SLC35D4: variants seen among roughly 807,000 people sequenced by gnomAD.
SLC35D4 encodes the protein UDP-N-acetylglucosamine transporter SLC35D4.
chr18:23,347,932 G>T, the SLC35D4 span, among the ~76,000 whole-genome samples: 11 of 152,070 alleles, frequency 7.2e-5, no homozygotes, highest in African/African-American at 2.7e-4. Context: ...GGAAGCATAA[G>T]TTATTGATTT....
At chr18:23,414,331 A>AAGGAAGGAAGGAAGGAAGGAAGGC in the SLC35D4 span, among the ~76,000 whole-genome samples, 550 of 140,458 alleles carry the variant, frequency 3.9e-3, 5 homozygotes, top group Non-Finnish European at 6.6e-3. Flanking sequence ...GGAAGGAAGG[A>AAGGAAGGAAGGAAGGAAGGAAGGC]AGGCAGGCAG....
the SLC35D4 span, among the ~76,000 whole-genome samples, chr18:23,285,961 C>T: frequency 2.3e-4 from 35 of 152,252 alleles, no homozygotes; most frequent in South Asian, 4.2e-3. Context: ...AATCCAGCCC[C>T]GTTCATGGCT....
chr18:23,274,306 G>A, the SLC35D4 span, among the ~76,000 whole-genome samples: 1 of 152,210 alleles, frequency 6.6e-6, no homozygotes, highest in Non-Finnish European at 1.5e-5. Context: ...AGAACCACGT[G>A]CCCAGGCTGC....
chr18:23,273,014 C>G, the SLC35D4 span, among the ~76,000 whole-genome samples: 7 of 152,300 alleles, frequency 4.6e-5, no homozygotes, highest in Admixed American at 2.0e-4. Flanking sequence ...CTTTGTTCTC[C>G]ATGACACCGG....
chr18:23,437,911 G>C, the SLC35D4 span: 2 of 1,549,318 alleles, frequency 1.3e-6, no homozygotes, highest in Admixed American at 1.9e-5. Flanking sequence ...CCTGGCCGCC[G>C]CCCGACCCCC....
the SLC35D4 span, among the ~76,000 whole-genome samples, chr18:23,241,736 T>C: frequency 6.6e-6 from 1 of 152,056 alleles, no homozygotes; most frequent in Middle Eastern, 3.4e-3. Context: ...CCAGCCATGA[T>C]GTAGCTGAAT....
chr18:23,420,894 T>C, the SLC35D4 span, among the ~76,000 whole-genome samples: 1 of 151,868 alleles, frequency 6.6e-6, no homozygotes, highest in African/African-American at 2.4e-5. Flanking sequence ...TATCTGAAAA[T>C]AAAATCACTA....
chr18:23,399,786 G>T, the SLC35D4 span: 1 of 740,918 alleles, frequency 1.3e-6, no homozygotes, highest in Non-Finnish European at 2.3e-6. Flanking sequence ...TGTTAAGTGA[G>T]ATGTAGTCTT....
chr18:23,257,396 T>C, the SLC35D4 span: 1 of 1,559,902 alleles, frequency 6.4e-7, no homozygotes, highest in Non-Finnish European at 8.6e-7. Context: ...CCAAGGGCCA[T>C]TTCTTCTCAG....
the SLC35D4 span, chr18:23,430,675 A>C: frequency 3.1e-6 from 5 of 1,612,438 alleles, no homozygotes; most frequent in Admixed American, 6.7e-5. Flanking sequence ...CAGACAGCAC[A>C]TACTGAAAAA....
At chr18:23,287,156 CCTAAAACCAGACAAGCCTTA>C in the SLC35D4 span, among the ~76,000 whole-genome samples, 2 of 152,200 alleles carry the variant, frequency 1.3e-5, no homozygotes, top group African/African-American at 4.8e-5. Context: ...TTTTACCTGT[CCTAAAACCAGACAAGCCTTA>C]CTAGTTCAGG....
At chr18:23,277,786 T>G in the SLC35D4 span, among the ~76,000 whole-genome samples, 3 of 152,102 alleles carry the variant, frequency 2.0e-5, no homozygotes, top group South Asian at 4.1e-4. Flanking sequence ...CTGGGGGTGA[T>G]TTTTGCTAAA....
the SLC35D4 span, among the ~76,000 whole-genome samples, chr18:23,292,524 T>C: frequency 6.6e-6 from 1 of 152,154 alleles, no homozygotes; most frequent in Non-Finnish European, 1.5e-5. Context: ...AGCATGGCCT[T>C]CAGGAAGAGT....
chr18:23,287,494 C>A, the SLC35D4 span, among the ~76,000 whole-genome samples: 3 of 152,208 alleles, frequency 2.0e-5, no homozygotes, highest in Non-Finnish European at 2.9e-5. Flanking sequence ...GCATAATTTT[C>A]ATAAAAACAC....
At chr18:23,253,593 C>CT in the SLC35D4 span, 1 of 724,398 alleles carries the variant, frequency 1.4e-6, no homozygotes, top group South Asian at 1.9e-5. Context: ...CCTTCACACT[C>CT]CCAGGGACTT....
the SLC35D4 span, among the ~76,000 whole-genome samples, chr18:23,385,748 G>A: frequency 2.0e-5 from 3 of 152,130 alleles, no homozygotes; most frequent in Non-Finnish European, 4.4e-5. Flanking sequence ...ACCATAACAC[G>A]ATCTGCATGT....
the SLC35D4 span, among the ~76,000 whole-genome samples, chr18:23,357,734 T>C: frequency 2.0e-5 from 3 of 152,378 alleles, no homozygotes; most frequent in African/African-American, 7.2e-5. Context: ...CGATCTCAAA[T>C]GATTCAACTA....
the SLC35D4 span, among the ~76,000 whole-genome samples, chr18:23,247,971 G>C: frequency 6.6e-6 from 1 of 152,182 alleles, no homozygotes; most frequent in Non-Finnish European, 1.5e-5. Context: ...GCCTAGCTTG[G>C]ATTTTTCCCC....
At chr18:23,269,778 G>A in the SLC35D4 span, among the ~76,000 whole-genome samples, 3 of 152,338 alleles carry the variant, frequency 2.0e-5, no homozygotes, top group Non-Finnish European at 4.4e-5. Flanking sequence ...CTCTTGCTAT[G>A]CAAAGAGAAT....
Sources: allele counts gnomAD v4.1 joint callset (sites outside exome capture counted in the v4.1 genomes callset), GRCh38; gene constraint gnomAD v4.1.1; transcripts MANE v1.5; gene names NCBI Gene and HGNC (gene_info 2026-07-23, HGNC 2026-07-21).